Variants in ATRNL1 observed in about 807,000 individuals in gnomAD.
ATRNL1 encodes the protein attractin-like protein 1.
In ATRNL1, 95 loss-of-function variants were observed where a neutral mutation model predicts 182.7. That is an observed-to-expected ratio of 0.52 (90% CI 0.44 to 0.62). The LOEUF is 0.62. Ranked by LOEUF, ATRNL1 falls within the 20% of genes least tolerant of loss-of-function variation. ATRNL1 has a pLI of 0.00. For missense variants in ATRNL1, 1,471 were observed against 1,679.5 expected (o/e 0.88, Z 2.17); for synonymous variants, 576 against 568.3 (o/e 1.01, Z -0.19).
At chr10:115,625,872 G>A (rs1301391750) in intron 26 of ATRNL1, among the ~76,000 whole-genome samples, 1 of 152,034 alleles carries the variant, frequency 6.6e-6, no homozygotes, top group African/African-American at 2.4e-5. Context: ...CCAAATCTAA[G>A]CCCCTCAAGC....
At chr10:115,894,921 A>G (rs2134472582) in intron 28 of ATRNL1, among the ~76,000 whole-genome samples, 1 of 152,220 alleles carries the variant, frequency 6.6e-6, no homozygotes, top group Non-Finnish European at 1.5e-5. Flanking sequence ...GATGGCTCTC[A>G]ATTGCTCAGT....
At chr10:115,923,995 T>A (rs1239469715) in intron 28 of ATRNL1, among the ~76,000 whole-genome samples, 1 of 152,226 alleles carries the variant, frequency 6.6e-6, no homozygotes, top group Non-Finnish European at 1.5e-5. Context: ...TGCATTTCTT[T>A]AATGATCAGT....
chr10:115,786,337 C>T (rs1949396064), intron 27 of ATRNL1, among the ~76,000 whole-genome samples: 2 of 151,984 alleles, frequency 1.3e-5, no homozygotes, highest in South Asian at 4.1e-4. Flanking sequence ...TGGCTTATAC[C>T]AACAGAAGTG....
intron 15 of ATRNL1, among the ~76,000 whole-genome samples, chr10:115,299,768 G>C (rs1358496599): frequency 2.6e-5 from 4 of 152,090 alleles, no homozygotes; most frequent in Non-Finnish European, 4.4e-5. Context: ...TTATAGAAGA[G>C]TAAACTGAGG....
chr10:115,436,499 GA>G (rs1846412478), intron 21 of ATRNL1, among the ~76,000 whole-genome samples: 2 of 152,008 alleles, frequency 1.3e-5, no homozygotes, highest in African/African-American at 4.8e-5. Context: ...AGCAAATGCT[GA>G]ACCTACAAAA....
chr10:115,774,526 C>T (rs1555077346), intron 27 of ATRNL1, among the ~76,000 whole-genome samples: 2 of 151,450 alleles, frequency 1.3e-5, no homozygotes, highest in East Asian at 1.9e-4. Context: ...GAAATTAAGC[C>T]TATAAGAGTC....
At chr10:115,722,808 T>C (rs148580217) in intron 26 of ATRNL1, among the ~76,000 whole-genome samples, 8 of 152,166 alleles carry the variant, frequency 5.3e-5, no homozygotes, top group African/African-American at 1.9e-4. Flanking sequence ...TGAGGAACAA[T>C]ATGAAATCTG....
At chr10:115,727,188 T>C in intron 26 of ATRNL1, 60 bp from the exon 27 acceptor site, 1 of 1,175,972 alleles carries the variant, frequency 8.5e-7, no homozygotes, top group East Asian at 2.3e-5. Flanking sequence ...AACCAGATAT[T>C]GTTGAATTTC....
At chr10:115,455,326 A>T (rs2134502989) in intron 21 of ATRNL1, among the ~76,000 whole-genome samples, 1 of 152,268 alleles carries the variant, frequency 6.6e-6, no homozygotes, top group South Asian at 2.1e-4. Context: ...CTCAGAAATA[A>T]TACCACACGT....
At chr10:115,176,563 T>C (rs999482648) in intron 8 of ATRNL1, among the ~76,000 whole-genome samples, 3 of 152,080 alleles carry the variant, frequency 2.0e-5, no homozygotes, top group African/African-American at 7.2e-5. Context: ...AGGGTTTAGA[T>C]GTAGAGTGTG....
chr10:115,388,551 G>A (rs533332924), intron 19 of ATRNL1, among the ~76,000 whole-genome samples: 2 of 152,008 alleles, frequency 1.3e-5, no homozygotes, highest in South Asian at 2.1e-4. Context: ...CTACTTTAGC[G>A]CATGTAGTTG....
At chr10:115,456,871 C>T (rs767699387) in intron 21 of ATRNL1, among the ~76,000 whole-genome samples, 2 of 152,056 alleles carry the variant, frequency 1.3e-5, no homozygotes, top group Non-Finnish European at 2.9e-5. Context: ...TTCTTCATTC[C>T]TGTAGTTCAG....
At chr10:115,348,736 TTGAG>T (rs1275483859) in intron 19 of ATRNL1, among the ~76,000 whole-genome samples, 1 of 152,148 alleles carries the variant, frequency 6.6e-6, no homozygotes, top group African/African-American at 2.4e-5. Context: ...TATGAAGAAA[TTGAG>T]TGATAGAATT....
intron 14 of ATRNL1, among the ~76,000 whole-genome samples, chr10:115,282,164 C>T (rs1186399578): frequency 1.4e-5 from 2 of 143,486 alleles, no homozygotes; most frequent in African/African-American, 5.1e-5. Context: ...TATTATATTA[C>T]ATTTATAATA....
chr10:115,891,146 T>G (rs1952070474), intron 28 of ATRNL1, among the ~76,000 whole-genome samples: 1 of 152,228 alleles, frequency 6.6e-6, no homozygotes, highest in South Asian at 2.1e-4. Context: ...AAACAGATTC[T>G]TTTAGTGGTA....
chr10:115,449,950 A>T (rs1847204057), intron 21 of ATRNL1, among the ~76,000 whole-genome samples: 1 of 152,152 alleles, frequency 6.6e-6, no homozygotes, highest in South Asian at 2.1e-4. Flanking sequence ...AATACACCAC[A>T]ATCAAGTAAG....
chr10:115,245,653 T>A (rs916935869), intron 10 of ATRNL1, among the ~76,000 whole-genome samples: 2 of 152,152 alleles, frequency 1.3e-5, no homozygotes, highest in Non-Finnish European at 2.9e-5. Context: ...CATATTCAAA[T>A]TAAGACATCT....
chr10:115,268,130 C>G (rs1212283095), intron 12 of ATRNL1, among the ~76,000 whole-genome samples, 196 bp from the exon 13 acceptor site: 1 of 152,000 alleles, frequency 6.6e-6, no homozygotes, highest in Non-Finnish European at 1.5e-5. Context: ...GGTAAAAGGT[C>G]TCGAAAATCC....
At chr10:115,338,301 A>T (rs1342735633) in intron 19 of ATRNL1, among the ~76,000 whole-genome samples, 1 of 152,172 alleles carries the variant, frequency 6.6e-6, no homozygotes, top group African/African-American at 2.4e-5. Context: ...TAGTGTTTTG[A>T]GGAACCTTCA....
Sources: gnomAD v4.1 joint callset for allele counts (sites outside exome capture counted in the v4.1 genomes callset) on GRCh38, gnomAD v4.1.1 for gene constraint, MANE v1.5 for transcripts, NCBI Gene and HGNC (gene_info 2026-07-23, HGNC 2026-07-21) for gene names.